The following IRAG1 variants were observed in gnomAD, a reference collection of about 807,000 sequenced individuals.
IRAG1 encodes the protein inositol 1,4,5-triphosphate receptor associated 1.
In IRAG1, 62 loss-of-function variants were observed where a neutral mutation model predicts 106.2. The observed-to-expected ratio is 0.58, with a 90% CI of 0.48 to 0.72. The LOEUF (loss-of-function observed/expected upper bound fraction) is 0.72, where lower values mean the gene tolerates loss of function less well. Ranked by LOEUF, IRAG1 falls within the 30% of genes least tolerant of loss-of-function variation. IRAG1 has a pLI of 0.00. For missense variants in IRAG1, 1,064 were observed against 1,140.7 expected, an observed-to-expected ratio of 0.93 and a Z score of 0.97; for synonymous variants, 462 against 443.9, an observed-to-expected ratio of 1.04 and a Z score of -0.51.
At chr11:10,594,022 A>G (rs908379849) in intron 16 of IRAG1, 124 bp downstream of exon 16, 31 of 943,128 alleles carry the variant, frequency 3.3e-5, no homozygotes, top group Admixed American at 5.2e-5. Context: ...GGAAAGCCGA[A>G]TAGAAACTCT....
intron 15 of IRAG1, among the ~76,000 whole-genome samples, chr11:10,598,859 T>A (rs1014446009): frequency 6.6e-6 from 1 of 152,242 alleles, no homozygotes; most frequent in Non-Finnish European, 1.5e-5. Flanking sequence ...TATATCACCT[T>A]CCTTGAAATC....
At position 10,665,067 on chromosome 11, in the gene IRAG1, G is replaced by A. The variant is rs191814701; in HGVS notation, c.68-12885C>T. On this transcript the variant is annotated intron_variant, in intron 1 of 20. Transcript: ENST00000423302. This position sits in a 1 kb window ranked among gnomAD's most constrained non-coding sequence, Gnocchi z 4.2. Reference sequence around the variant, plus strand: ...GTGCAAACAGCCTATCCTTTATAATGCTGCCTGTGGGGACTTTCTTGGCAC... The same window carrying A: ...GTGCAAACAGCCTATCCTTTATAATACTGCCTGTGGGGACTTTCTTGGCAC... Among the ~76,000 whole-genome samples, 2 of 152,162 alleles carry A rather than the reference G, an allele frequency of 1.3e-5. No homozygotes were observed.
At chr11:10,639,465 T>C (rs1857364059) in intron 2 of IRAG1, among the ~76,000 whole-genome samples, 1 of 152,200 alleles carries the variant, frequency 6.6e-6, no homozygotes, top group Admixed American at 6.5e-5. Flanking sequence ...GCGCAGACTC[T>C]GAGAAGGCTC....
chr11:10,666,537 C>T (rs771194079), intron 1 of IRAG1, among the ~76,000 whole-genome samples: 2 of 152,194 alleles, frequency 1.3e-5, no homozygotes, highest in Non-Finnish European at 2.9e-5. Flanking sequence ...GCTAAGGCTT[C>T]ACCAGTTTGT....
intron 1 of IRAG1, among the ~76,000 whole-genome samples, chr11:10,679,615 T>C (rs964323835): frequency 6.6e-6 from 1 of 152,234 alleles, no homozygotes; most frequent in African/African-American, 2.4e-5. Flanking sequence ...TGAGCTGACC[T>C]TGCTCACTGA....
At chr11:10,591,205 G>A (rs552324323) in intron 18 of IRAG1, among the ~76,000 whole-genome samples, 1 of 152,300 alleles carries the variant, frequency 6.6e-6, no homozygotes, top group African/African-American at 2.4e-5. Context: ...GCCCTGCTGT[G>A]CCATACCAGG....
intron 9 of IRAG1, among the ~76,000 whole-genome samples, chr11:10,624,303 G>A (rs1360426724): frequency 6.6e-6 from 1 of 152,128 alleles, no homozygotes; most frequent in Admixed American, 6.5e-5. Context: ...CTGTCATTCC[G>A]GGCAGTGACT....
At chr11:10,614,155 C>T (rs1855203018) in intron 10 of IRAG1, among the ~76,000 whole-genome samples, 1 of 152,148 alleles carries the variant, frequency 6.6e-6, no homozygotes, top group Non-Finnish European at 1.5e-5. Context: ...GGCCATCTCT[C>T]CCCTCACCAC....
At chr11:10,661,394 T>C (rs1859390274) in intron 1 of IRAG1, among the ~76,000 whole-genome samples, 1 of 152,234 alleles carries the variant, frequency 6.6e-6, no homozygotes, top group African/African-American at 2.4e-5. Flanking sequence ...AGTTTCCTAC[T>C]GCGTCTGTAC....
chr11:10,597,651 C>T (rs938196625), intron 15 of IRAG1, among the ~76,000 whole-genome samples: 1 of 152,154 alleles, frequency 6.6e-6, no homozygotes, highest in African/African-American at 2.4e-5. Flanking sequence ...GCCACTGTAC[C>T]CAGCTACCTG....
Position 10,594,141 on chromosome 11 carries a change from C to A in IRAG1, c.2067+5G>T. ...GGAGCCCTGGTATTCCTTGAACATG[C>A]ATACCTTTCCCAGCGTGAGGGACAT... On this transcript the variant is annotated splice_donor_5th_base_variant and intron_variant, in intron 16 of 20. Transcript: ENST00000423302. 1 of 1,604,986 alleles carries A rather than the reference C, an allele frequency of 6.2e-7. No homozygotes were observed. The highest frequency in any genetic ancestry group is 1.7e-5 in the Admixed American group (1 of 58,928).
In IRAG1 at chr11:10,629,546, G is replaced by A; in HGVS notation, c.566C>T (p.Ser189Phe). 1.2e-6 allele frequency: 2 copies of A among 1,613,214 alleles called. No individual in the cohort carries two copies. The highest frequency in any genetic ancestry group is 1.7e-6 in the Non-Finnish European group (2 of 1,179,524). Reference protein sequence around the residue: ...GRKSRSSPGDSPSAVSPNLSP... With the variant: ...GRKSRSSPGDFPSAVSPNLSP... ...ACATCCTGCCACCCTACCTGATGGG[G>A]AGTCTCCGGGGCTGCTCCTGGACTT... The change falls in exon 5 of 21, where the codon TCC (serine) becomes TTC (phenylalanine). Residue 189 changes from serine (S) to phenylalanine (F), a missense_variant. Physicochemically the swap from Ser to Phe is radical, Grantham distance 155 (BLOSUM62 -2). Transcript: ENST00000423302.
intron 1 of IRAG1, among the ~76,000 whole-genome samples, chr11:10,680,214 A>G (rs1361900667): frequency 6.9e-6 from 1 of 144,990 alleles, no homozygotes; most frequent in African/African-American, 2.5e-5. Flanking sequence ...TGGAGGTTGC[A>G]GTGAGCAGAG....
At chr11:10,593,375 A>G in intron 17 of IRAG1, 117 bp downstream of exon 17, 1 of 724,186 alleles carries the variant, frequency 1.4e-6, no homozygotes. Flanking sequence ...TATTCTGGAA[A>G]TTTCCTCTCC....
intron 15 of IRAG1, among the ~76,000 whole-genome samples, chr11:10,594,724 C>G (rs1011649066): frequency 3.3e-5 from 5 of 152,178 alleles, no homozygotes; most frequent in African/African-American, 1.2e-4. Flanking sequence ...TGATATAACT[C>G]ACGTAATATG....
chr11:10,680,339 AGG>A (rs1284922578), intron 1 of IRAG1, among the ~76,000 whole-genome samples: 11 of 101,836 alleles, frequency 1.1e-4, no homozygotes, highest in African/African-American at 3.4e-4. Context: ...GAAGGAAGGA[AGG>A]AAGGAAAGAA....
Position 10,648,101 on chromosome 11 carries a change from C to T in IRAG1, c.225+3924G>A, listed in dbSNP as rs59445147. Among the ~76,000 whole-genome samples the T allele has an allele frequency of 4.3e-3, 652 of 152,248 alleles. 24 individuals are homozygous for T. The East Asian group carries it at 0.087, about 20-fold the overall frequency. On this transcript the variant is annotated intron_variant, in intron 2 of 20. Transcript: ENST00000423302. ...TTCCTACCCTGGGCCCGGTGGCTCA[C>T]GCCTGTAATCCCAGCACTTTGGGAG... is the stretch of plus-strand genomic sequence containing the variant.
chr11:10,616,912 A>G (rs1855477376), intron 10 of IRAG1: 2 of 451,408 alleles, frequency 4.4e-6, no homozygotes, highest in Admixed American at 6.4e-5. Flanking sequence ...GCTCATTCCA[A>G]TGAAAATATT....
At chr11:10,648,468 A>C (rs1169782021) in intron 2 of IRAG1, among the ~76,000 whole-genome samples, 1 of 152,216 alleles carries the variant, frequency 6.6e-6, no homozygotes, top group Non-Finnish European at 1.5e-5. Context: ...AAAAATTCCC[A>C]GGGTGACTGA....
Sources: allele counts gnomAD v4.1 joint callset (sites outside exome capture counted in the v4.1 genomes callset), GRCh38; gene constraint gnomAD v4.1.1; non-coding constraint Gnocchi (gnomAD v3.1); transcripts MANE v1.5; gene names NCBI Gene and HGNC (gene_info 2026-07-23, HGNC 2026-07-21).